KCNN4: variants seen among roughly 807,000 people sequenced by gnomAD.
KCNN4 encodes the protein potassium calcium-activated channel subfamily N member 4, also known as intermediate conductance calcium-activated potassium channel protein 4.
KCNN4 carries 31 observed loss-of-function variants against 45.2 expected under a neutral mutation model. That is an observed-to-expected ratio of 0.69 (90% CI 0.52 to 0.92). The LOEUF is 0.92. Ranked by LOEUF, KCNN4 falls within the 40% of genes least tolerant of loss-of-function variation. KCNN4 has a pLI of 0.00. For synonymous variants in KCNN4, 231 were observed against 254.6 expected, an observed-to-expected ratio of 0.91 and a Z score of 0.88; for missense variants, 463 against 574.0, an observed-to-expected ratio of 0.81 and a Z score of 1.98.
At chr19:43,777,554 A>G (rs938008191) in intron 1 of KCNN4, among the ~76,000 whole-genome samples, 25 of 152,066 alleles carry the variant, frequency 1.6e-4, no homozygotes, top group African/African-American at 6.0e-4. Flanking sequence ...GCTCTGAGAC[A>G]GCCCCCTCGG....
intron 4 of KCNN4, among the ~76,000 whole-genome samples, chr19:43,771,677 G>A (rs1034143915): frequency 2.6e-5 from 4 of 152,086 alleles, no homozygotes; most frequent in African/African-American, 9.7e-5. Flanking sequence ...TGGATTCCTA[G>A]GTCTGATTTT....
At position 43,780,688 on chromosome 19, in the gene KCNN4, C is replaced by T. The variant is rs1314502532; in HGVS notation, c.159+15G>A. The T allele has an allele frequency of 6.2e-7, 1 of 1,611,410 alleles. No homozygotes were observed. Among genetic ancestry groups the T allele is most frequent in the Admixed American group, 1.7e-5 (1 of 59,852 alleles). Reference sequence around the variant, plus strand: ...ACCTAGGAGTCCCAGCTCCCAGCCACCATGCCCCACTCACCGAGCACCCCC... The same window carrying T: ...ACCTAGGAGTCCCAGCTCCCAGCCATCATGCCCCACTCACCGAGCACCCCC... On this transcript the variant is annotated intron_variant, in intron 1 of 8. Transcript: ENST00000648319.
In KCNN4 at chr19:43,769,327, C is replaced by A; in HGVS notation, c.1049+115G>T. 1.2e-6 allele frequency: 1 copy of A among 830,338 alleles called. No homozygotes were observed. Among genetic ancestry groups the A allele is most frequent in the Non-Finnish European group, 2.0e-6 (1 of 495,858 alleles). 51.4% of individuals were successfully genotyped at this position (830,338 alleles called of 1,614,324 possible). ...GGTGAGACCTGGATGTTGAGTGAGA[C>A]CACACCTGGGTGTCCTGACCTGGAC... On this transcript the variant is annotated intron_variant, in intron 6 of 8. Transcript: ENST00000648319. This position sits in a 1 kb window ranked among gnomAD's most constrained non-coding sequence, Gnocchi z 4.4.
intron 1 of KCNN4, among the ~76,000 whole-genome samples, chr19:43,777,328 TGTGTGTGTGTGG>T (rs1568395391): frequency 2.7e-5 from 4 of 150,642 alleles, no homozygotes; most frequent in Admixed American, 6.6e-5. Flanking sequence ...TGTGTGTGGG[TGTGTGTGTGTGG>T]TGTCTAGAAA....
chr19:43,779,688 C>T (rs1021558786), intron 1 of KCNN4, among the ~76,000 whole-genome samples: 2 of 152,056 alleles, frequency 1.3e-5, no homozygotes, highest in African/African-American at 2.4e-5. Flanking sequence ...TGAGACCTGC[C>T]CTGACCCCAC....
intron 7 of KCNN4, 90 bp from the exon 8 acceptor site, chr19:43,767,797 C>A: frequency 6.9e-7 from 1 of 1,456,186 alleles, no homozygotes; most frequent in East Asian, 2.3e-5. Flanking sequence ...ATATTGACCA[C>A]ATCCTTATGG....
In KCNN4 at chr19:43,780,388, A is replaced by T. The variant is rs1440861703; in HGVS notation, c.159+315T>A. ...CTCAGATCCAGGAGTCCTGACCCCCAGCCCCTCCTCCCTCAGACCCAGGAG... is the reference window on the plus strand; with the variant it reads ...CTCAGATCCAGGAGTCCTGACCCCCTGCCCCTCCTCCCTCAGACCCAGGAG... On this transcript the variant is annotated intron_variant, in intron 1 of 8. Coordinates refer to ENST00000648319, the MANE Select transcript of KCNN4 (RefSeq NM_002250.3). 2.5e-5 allele frequency among the ~76,000 whole-genome samples: 3 copies of T among 121,510 alleles called. No homozygotes were observed. In the East Asian group the frequency reaches 7.6e-4, roughly 31 times the overall value. 79.7% of individuals were successfully genotyped at this position (121,510 alleles called of 152,430 possible).
At chr19:43,767,804 A>G in intron 7 of KCNN4, 97 bp from the exon 8 acceptor site, 1 of 1,415,394 alleles carries the variant, frequency 7.1e-7, no homozygotes, top group Non-Finnish European at 9.8e-7. Context: ...CCACATCCTT[A>G]TGGTCCTCTG....
At position 43,775,869 on chromosome 19, in the gene KCNN4, G is replaced by A. The variant is rs138463410; in HGVS notation, c.255+672C>T. Among the ~76,000 whole-genome samples the A allele has an allele frequency of 4.0e-3, 612 of 152,172 alleles. 6 individuals are homozygous for A. Among genetic ancestry groups the A allele is most frequent in the African/African-American group, 0.014 (562 of 41,512 alleles). On this transcript the variant is annotated intron_variant, in intron 2 of 8. Transcript: ENST00000648319. Reference sequence around the variant, plus strand: ...GGACCAGGTGCAGTGGCTCAAGCCCGTAATCCTAGCACTTTGGGAGGACAA... The same window carrying A: ...GGACCAGGTGCAGTGGCTCAAGCCCATAATCCTAGCACTTTGGGAGGACAA...
chr19:43,780,798 CCTG>C lies in KCNN4; in HGVS notation c.61_63del (p.Gln21del). The C allele has an allele frequency of 6.2e-7, 1 of 1,614,056 alleles. No individual in the cohort carries two copies. The highest frequency in any genetic ancestry group is 8.5e-7 in the Non-Finnish European group (1 of 1,179,986). On this transcript the variant is annotated inframe_deletion, in exon 1 of 9. Coordinates refer to ENST00000648319, the MANE Select transcript of KCNN4 (RefSeq NM_002250.3). ...AGTGCCCAGCCGGCCAGAGACTTCT[CCTG>C]CTCCAGCAAGCGCTTTCGGCGTCTC...
At position 43,776,577 on chromosome 19, in the gene KCNN4, G is replaced by A; in HGVS notation, c.219C>T (p.Leu73=). 2 of 1,614,010 alleles carry A rather than the reference G, an allele frequency of 1.2e-6. No individual in the cohort carries two copies. The highest frequency in any genetic ancestry group is 1.7e-6 in the Non-Finnish European group (2 of 1,179,928). The change falls in exon 2 of 9, where the codon CTC becomes CTT. Residue 73 remains leucine, a synonymous_variant. Coordinates refer to ENST00000648319, the MANE Select transcript of KCNN4 (RefSeq NM_002250.3). ...TGGCATGAAAGGCCACGATGAGGCAGAGGAGTAAGAAGGTGGAAATGCTGA... is the reference window on the plus strand; with the variant it reads ...TGGCATGAAAGGCCACGATGAGGCAAAGGAGTAAGAAGGTGGAAATGCTGA... ...CTISISTFLL[L]CLIVAFHAKE...
rs1394640728 is a variant in KCNN4 at position 43,774,584 on chromosome 19, G to A, written c.291C>T (p.Arg97=). 2.0e-6 allele frequency: 3 copies of A among 1,524,924 alleles called. No individual in the cohort carries two copies. The South Asian group carries it at 3.8e-5, about 19-fold the overall frequency. The allele number at this position is 1,524,924 out of a possible 1,614,324, so 94.5% of individuals were successfully genotyped here. A position where few individuals can be genotyped will look rare whatever the true frequency, so the allele number is the denominator to read the frequency against. ...FMTDNGLRDW[R]VALTGRQAAQ... ...CCGCCTGCCGCCCGGTCAGCGCCAC[G>A]CGCCAGTCCCGCAGCCCGTTGTCGG... Residue 97 remains arginine, a synonymous_variant, in exon 3 of 9, where the codon CGC becomes CGT. Transcript: ENST00000648319. The surrounding 1 kb of genome is among the most constrained non-coding windows in gnomAD (Gnocchi z 5.6).
At chr19:43,767,976 T>A (rs1969530137) in intron 7 of KCNN4, among the ~76,000 whole-genome samples, 1 of 152,202 alleles carries the variant, frequency 6.6e-6, no homozygotes, top group Admixed American at 6.5e-5. Flanking sequence ...ATGGAACAGT[T>A]AAATGACATG....
Position 43,767,545 on chromosome 19 carries a change from A to G in KCNN4, c.1282T>C (p.Ter428GlnextTer28), listed in dbSNP as rs996506047. The change falls in exon 8 of 9, where the codon TAG becomes CAG. Residue 428 changes from the stop codon to glutamine (Q), a stop_lost. Transcript: ENST00000648319. ...QLPEPSQQSK* is the reference protein window; with the variant it reads ...QLPEPSQQSKQ ...CCAAGTCCCAGCCCCCTCACCAGCT[A>G]CTTGGACTGCTGGCTGGGTTCTGGA... 3 of 1,613,280 alleles carry G rather than the reference A, an allele frequency of 1.9e-6. No individual in the cohort carries two copies. Among genetic ancestry groups the G allele is most frequent in the Non-Finnish European group, 2.5e-6 (3 of 1,179,868 alleles).
chr19:43,776,615 C>T lies in KCNN4; in HGVS notation c.181G>A (p.Val61Ile), dbSNP rs570476462. The T allele has an allele frequency of 1.2e-6, 2 of 1,613,678 alleles. No homozygotes were observed. Among genetic ancestry groups the T allele is most frequent in the East Asian group, 4.5e-5 (2 of 44,882 alleles). Residue 61 changes from valine (V) to isoleucine (I), a missense_variant, in exon 2 of 9, where the codon GTT becomes ATT. Around this residue, in one of 3 missense-constraint regions of KCNN4, gnomAD observed 225 missense variants for 240.9 expected, o/e 0.93. Coordinates refer to ENST00000648319, the MANE Select transcript of KCNN4 (RefSeq NM_002250.3). ...GTGGAAATGCTGATCGTGCATTTAA[C>T]CAGGAACAGGTAGAGCGCCCACTGT... is the stretch of plus-strand genomic sequence containing the variant. Reference protein sequence around the residue: ...GCSWALYLFLVKCTISISTFL... With the variant: ...GCSWALYLFLIKCTISISTFL...
intron 8 of KCNN4, 92 bp downstream of exon 8, chr19:43,767,448 C>T (rs1969510790): frequency 1.4e-6 from 2 of 1,459,982 alleles, no homozygotes; most frequent in Non-Finnish European, 1.8e-6. Flanking sequence ...CCTTGTCTCC[C>T]AGCCATCCCC....
intron 1 of KCNN4, among the ~76,000 whole-genome samples, chr19:43,780,125 C>A (rs1969929078): frequency 6.6e-6 from 1 of 152,134 alleles, no homozygotes; most frequent in Admixed American, 6.5e-5. Flanking sequence ...GGGGCTACCT[C>A]TCCCCTTATT....
chr19:43,767,916 G>T (rs149005593), intron 7 of KCNN4, among the ~76,000 whole-genome samples: 1 of 152,270 alleles, frequency 6.6e-6, no homozygotes, highest in Non-Finnish European at 1.5e-5. Context: ...CCTCCCAAAA[G>T]CCACAGGGAG....
At chr19:43,767,387 C>T (rs981861332) in intron 8 of KCNN4, 153 bp downstream of exon 8, 96 of 950,188 alleles carry the variant, frequency 1.0e-4, no homozygotes, top group Non-Finnish European at 1.4e-4. Context: ...AGTCCAGCCC[C>T]GAACTGAGTC....
Sources: allele counts gnomAD v4.1 joint callset (sites outside exome capture counted in the v4.1 genomes callset), GRCh38; gene constraint gnomAD v4.1.1; regional missense constraint gnomAD v4.1.1; non-coding constraint Gnocchi (gnomAD v3.1); transcripts MANE v1.5; gene names NCBI Gene and HGNC (gene_info 2026-07-23, HGNC 2026-07-21).